Variants in AGPAT4 observed in about 807,000 individuals in gnomAD.
AGPAT4 encodes 1-acyl-sn-glycerol-3-phosphate acyltransferase delta.
AGPAT4 carries 15 observed loss-of-function variants against 48.0 expected under a neutral mutation model. That is an observed-to-expected ratio of 0.31 (90% CI 0.21 to 0.48). AGPAT4 has a LOEUF of 0.48. Ranked by LOEUF, AGPAT4 falls within the 20% of genes least tolerant of loss-of-function variation. The pLI, the probability that AGPAT4 is intolerant of heterozygous loss-of-function variation, is 0.99. For synonymous variants in AGPAT4, 178 were observed against 198.7 expected, an observed-to-expected ratio of 0.90 and a Z score of 0.88; for missense variants, 314 against 482.5, an observed-to-expected ratio of 0.65 and a Z score of 3.27.
Position 161,196,484 on chromosome 6 carries a change from C to T in AGPAT4, c.179-30067G>A, listed in dbSNP as rs1170445800. Among the ~76,000 whole-genome samples the T allele has an allele frequency of 6.6e-6, 1 of 151,990 alleles. No individual in the cohort carries two copies. The highest frequency in any genetic ancestry group is 1.9e-4 in the East Asian group (1 of 5,170). The stretch of plus-strand genomic sequence containing the variant: ...AGAGTTAGGGCAAAGACTAGAGTTA[C>T]AAGTCACAGTTCAATCTAATGTGTT... On this transcript the variant is annotated intron_variant, in intron 2 of 8. Transcript: ENST00000320285. The surrounding 1 kb of genome is among the most constrained non-coding windows in gnomAD (Gnocchi z 4.3).
Position 161,147,098 on chromosome 6 carries a change from G to T in AGPAT4, c.768-499C>A, listed in dbSNP as rs1299812214. On this transcript the variant is annotated intron_variant, in intron 6 of 8. Transcript: ENST00000320285. The surrounding 1 kb of genome is among the most constrained non-coding windows in gnomAD (Gnocchi z 4.8). Reference sequence around the variant, plus strand: ...CTCTGGCCTCTTGGTTAGCCTTGAGGCAGACTTTCTGCAAAGGTTTTGACA... The same window carrying T: ...CTCTGGCCTCTTGGTTAGCCTTGAGTCAGACTTTCTGCAAAGGTTTTGACA... Among the ~76,000 whole-genome samples the T allele has an allele frequency of 6.6e-6, 1 of 152,210 alleles. No homozygotes were observed. The highest frequency in any genetic ancestry group is 1.5e-5 in the Non-Finnish European group (1 of 68,024).
chr6:161,219,872 T>TAGGCAGGC lies in AGPAT4; in HGVS notation c.178+12156_178+12163dup, dbSNP rs554610151. On this transcript the variant is annotated intron_variant, in intron 2 of 8. Coordinates refer to ENST00000320285, the MANE Select transcript of AGPAT4 (RefSeq NM_020133.3). The surrounding 1 kb of genome is among the most constrained non-coding windows in gnomAD (Gnocchi z 4.9). ...ATAGATAGATAGATAGATAGATAGATAGGCAGGCAGGCAGGCAGGCAGGCA... is the reference window on the plus strand; with the variant it reads ...ATAGATAGATAGATAGATAGATAGATAGGCAGGCAGGCAGGCAGGCAGGCAGGCAGGCA... Among the ~76,000 whole-genome samples, 741 of 120,968 alleles carry TAGGCAGGC rather than the reference T, an allele frequency of 6.1e-3. 14 individuals are homozygous for TAGGCAGGC. The highest frequency in any genetic ancestry group is 0.014 in the Middle Eastern group (3 of 214). The allele number at this position is 120,968 out of a possible 152,430, so 79.4% of individuals were successfully genotyped here.
In AGPAT4 at chr6:161,236,085, T is replaced by A. The variant is rs1055864654; in HGVS notation, c.-89-3783A>T. ...TTAAAAATACTTTGCCTAGTTCCCT[T>A]TTAGCTTTGCAAGTACCTAGAATGT... is the stretch of plus-strand genomic sequence containing the variant. On this transcript the variant is annotated intron_variant, in intron 1 of 8. Transcript: ENST00000320285. This position sits in a 1 kb window ranked among gnomAD's most constrained non-coding sequence, Gnocchi z 5.0. 5.3e-5 allele frequency among the ~76,000 whole-genome samples: 8 copies of A among 152,204 alleles called. No homozygotes were observed. Among genetic ancestry groups the A allele is most frequent in the African/African-American group, 1.9e-4 (8 of 41,454 alleles).
At chr6:161,190,397 T>C (rs1164401412) in intron 2 of AGPAT4, among the ~76,000 whole-genome samples, 1 of 152,100 alleles carries the variant, frequency 6.6e-6, no homozygotes, top group African/African-American at 2.4e-5. Context: ...TCTTAAAAAA[T>C]AGCCCATTAA....
At position 161,161,714 on chromosome 6, in the gene AGPAT4, G is replaced by A. The variant is rs1003884408; in HGVS notation, c.348+4534C>T. Reference sequence around the variant, plus strand: ...TGTATGAAGAAGCTGGGGTAAAGGCGGTGAAATAATGCTGTGTTGCATGAA... The same window carrying A: ...TGTATGAAGAAGCTGGGGTAAAGGCAGTGAAATAATGCTGTGTTGCATGAA... On this transcript the variant is annotated intron_variant, in intron 3 of 8. Transcript: ENST00000320285. The surrounding 1 kb of genome is among the most constrained non-coding windows in gnomAD (Gnocchi z 4.6). The A allele has an allele frequency of 4.1e-5, 14 of 340,922 alleles. No homozygotes were observed. Among genetic ancestry groups the A allele is most frequent in the Admixed American group, 2.7e-4 (7 of 26,362 alleles). 21.1% of individuals were successfully genotyped at this position (340,922 alleles called of 1,614,324 possible). A position where few individuals can be genotyped will look rare whatever the true frequency, so the allele number is the denominator to read the frequency against.
At chr6:161,237,002 T>C (rs978135422) in intron 1 of AGPAT4, among the ~76,000 whole-genome samples, 1 of 151,990 alleles carries the variant, frequency 6.6e-6, no homozygotes, top group Non-Finnish European at 1.5e-5. Flanking sequence ...GCAAAAGGGA[T>C]CGCGGAAACA....
Position 161,255,029 on chromosome 6 carries a change from G to A in AGPAT4, c.-90+18909C>T, listed in dbSNP as rs987044031. Among the ~76,000 whole-genome samples, 2 of 152,216 alleles carry A rather than the reference G, an allele frequency of 1.3e-5. No homozygotes were observed. Among genetic ancestry groups the A allele is most frequent in the South Asian group, 2.1e-4 (1 of 4,812 alleles). On this transcript the variant is annotated intron_variant, in intron 1 of 8. Coordinates refer to ENST00000320285, the MANE Select transcript of AGPAT4 (RefSeq NM_020133.3). This position sits in a 1 kb window ranked among gnomAD's most constrained non-coding sequence, Gnocchi z 4.7. ...CCGAGGCCATTGCAGAGCCAGATAC[G>A]GTTACACAGCCCTTCTGAAGCAAAG...
In AGPAT4 at chr6:161,171,464, GA is replaced by G. The variant is rs1338893770; in HGVS notation, c.179-5048del. Among the ~76,000 whole-genome samples the G allele has an allele frequency of 6.6e-6, 1 of 152,234 alleles. No individual in the cohort carries two copies. Among genetic ancestry groups the G allele is most frequent in the African/African-American group, 2.4e-5 (1 of 41,466 alleles). On this transcript the variant is annotated intron_variant, in intron 2 of 8. Transcript: ENST00000320285. This position sits in a 1 kb window ranked among gnomAD's most constrained non-coding sequence, Gnocchi z 4.4. ...ATGTACTCAAGTGAGAGAAATAAGG[GA>G]AAGCGGCTGAACTCATCCACTTAGC...
intron 1 of AGPAT4, among the ~76,000 whole-genome samples, chr6:161,265,551 G>A (rs1200621836): frequency 6.6e-6 from 1 of 152,216 alleles, no homozygotes; most frequent in Non-Finnish European, 1.5e-5. Context: ...CTGCAGGGGC[G>A]CAGCACTCAC....
rs1706394024 is a variant in AGPAT4, at chr6:161,136,094, A to T, written c.*446T>A. 2 of 169,742 alleles carry T rather than the reference A, an allele frequency of 1.2e-5. No homozygotes were observed. The highest frequency in any genetic ancestry group is 3.0e-4 in the South Asian group (2 of 6,634). The allele number at this position is 169,742 out of a possible 1,614,324, so 10.5% of individuals were successfully genotyped here. ...ACAGATGACCCAGAAAAGCACTTTA[A>T]TTTTTTTTTCTTGGAGGCATAATTT... On this transcript the variant is annotated 3_prime_UTR_variant, in exon 9 of 9. Transcript: ENST00000320285.
Position 161,223,546 on chromosome 6 carries a change from G to T in AGPAT4, c.178+8490C>A, listed in dbSNP as rs747030891. On this transcript the variant is annotated intron_variant, in intron 2 of 8. Transcript: ENST00000320285. The surrounding 1 kb of genome is among the most constrained non-coding windows in gnomAD (Gnocchi z 6.3). ...TGAGGTAATGGCTAGGAAAGGTTTA[G>T]CACAATGCTTAATACATAATCAACA... Among the ~76,000 whole-genome samples, 1 of 152,206 alleles carries T rather than the reference G, an allele frequency of 6.6e-6. No individual in the cohort carries two copies. The highest frequency in any genetic ancestry group is 1.5e-5 in the Non-Finnish European group (1 of 68,038).
intron 3 of AGPAT4, among the ~76,000 whole-genome samples, chr6:161,156,799 G>A (rs1779780669): frequency 6.6e-6 from 1 of 152,266 alleles, no homozygotes; most frequent in Admixed American, 6.5e-5. Context: ...AGCCTGCCCA[G>A]GGCGGAAAAC....
At position 161,219,421 on chromosome 6, in the gene AGPAT4, G is replaced by A. The variant is rs1291582405; in HGVS notation, c.178+12615C>T. Reference sequence around the variant, plus strand: ...AAAGGAACATAAATAGAAGCTCTCAGGTTTGTTTTTTCTATACCCCAATGG... The same window carrying A: ...AAAGGAACATAAATAGAAGCTCTCAAGTTTGTTTTTTCTATACCCCAATGG... On this transcript the variant is annotated intron_variant, in intron 2 of 8. Coordinates refer to ENST00000320285, the MANE Select transcript of AGPAT4 (RefSeq NM_020133.3). This position sits in a 1 kb window ranked among gnomAD's most constrained non-coding sequence, Gnocchi z 4.9. 6.6e-6 allele frequency among the ~76,000 whole-genome samples: 1 copy of A among 151,876 alleles called. No homozygotes were observed. Among genetic ancestry groups the A allele is most frequent in the African/African-American group, 2.4e-5 (1 of 41,316 alleles).
Position 161,139,834 on chromosome 6 carries a change from G to A in AGPAT4, c.844-214C>T, listed in dbSNP as rs1462072252. The stretch of plus-strand genomic sequence containing the variant: ...CGCCCCTCCCACAGGGACACTGGGA[G>A]TGGTGGGGCCGCTGCAGCTGTCACT... On this transcript the variant is annotated intron_variant, in intron 7 of 8. Transcript: ENST00000320285. This position sits in a 1 kb window ranked among gnomAD's most constrained non-coding sequence, Gnocchi z 9.1. 6.6e-6 allele frequency among the ~76,000 whole-genome samples: 1 copy of A among 152,232 alleles called. No homozygotes were observed. Among genetic ancestry groups the A allele is most frequent in the African/African-American group, 2.4e-5 (1 of 41,470 alleles).
At chr6:161,152,335 C>T (rs918164026) in intron 5 of AGPAT4, among the ~76,000 whole-genome samples, 13 of 152,140 alleles carry the variant, frequency 8.5e-5, no homozygotes, top group Non-Finnish European at 1.3e-4. Context: ...GCCTGGGTCC[C>T]GGCAGCCCCA....
chr6:161,271,607 T>C (rs1013665018), intron 1 of AGPAT4, among the ~76,000 whole-genome samples: 2 of 152,182 alleles, frequency 1.3e-5, no homozygotes, highest in African/African-American at 4.8e-5. Flanking sequence ...CCACTTACCT[T>C]CCCTAGGCCA....
rs1337284888 is a variant in AGPAT4, at chr6:161,262,613, T to C, written c.-90+11325A>G. On this transcript the variant is annotated intron_variant, in intron 1 of 8. Transcript: ENST00000320285. The surrounding 1 kb of genome is among the most constrained non-coding windows in gnomAD (Gnocchi z 4.9). ...CAGGCTTACTGGGGCTCTTAGGGGC[T>C]GAGTTCTCCCCTTCTGACCCACTGC... is the stretch of plus-strand genomic sequence containing the variant. Among the ~76,000 whole-genome samples, 1 of 152,204 alleles carries C rather than the reference T, an allele frequency of 6.6e-6. No homozygotes were observed. Among genetic ancestry groups the C allele is most frequent in the African/African-American group, 2.4e-5 (1 of 41,448 alleles).
At chr6:161,250,981 C>G (rs921980124) in intron 1 of AGPAT4, among the ~76,000 whole-genome samples, 2 of 152,132 alleles carry the variant, frequency 1.3e-5, no homozygotes, top group African/African-American at 4.8e-5. Context: ...AACATCTCGC[C>G]TATTCCATTT....
At chr6:161,152,943 G>A (rs567901740) in intron 5 of AGPAT4, among the ~76,000 whole-genome samples, 5 of 152,336 alleles carry the variant, frequency 3.3e-5, no homozygotes, top group African/African-American at 9.6e-5. Context: ...TCCAGACTCC[G>A]AGGTCAGCTG....
Sources: allele counts gnomAD v4.1 joint callset (sites outside exome capture counted in the v4.1 genomes callset), GRCh38; gene constraint gnomAD v4.1.1; non-coding constraint Gnocchi (gnomAD v3.1); transcripts MANE v1.5; gene names NCBI Gene and HGNC (gene_info 2026-07-23, HGNC 2026-07-21).